PON2: variants seen among roughly 807,000 people sequenced by gnomAD.
PON2 encodes the protein serum paraoxonase/arylesterase 2.
Under a neutral mutation model 36.6 loss-of-function variants are expected in PON2, and 27 were observed. The ratio of observed to expected loss-of-function variants is 0.74; its 90% CI spans 0.54 to 1.02. PON2 has a LOEUF of 1.02. PON2 is among the 50% of genes least tolerant of loss of function. PON2 has a pLI of 0.00. For synonymous variants in PON2, 149 were observed against 156.3 expected (o/e 0.95, Z 0.35); for missense variants, 363 against 421.1 (o/e 0.86, Z 1.21).
rs755890060 is a variant in PON2 at position 95,427,556 on chromosome 7, G to A, written c.75-2971C>T. 4.6e-5 allele frequency among the ~76,000 whole-genome samples: 7 copies of A among 152,120 alleles called. 1 individual carries two copies. The South Asian group carries it at 1.0e-3, about 23-fold the overall frequency. On this transcript the variant is annotated intron_variant, in intron 1 of 8. Transcript: ENST00000222572. Reference sequence around the variant, plus strand: ...ACACACACGCAGTGTTTGAGACTGCGGCAGCCATTCTGCATCCTTGAGAAA... The same window carrying A: ...ACACACACGCAGTGTTTGAGACTGCAGCAGCCATTCTGCATCCTTGAGAAA...
intron 4 of PON2, 37 bp downstream of exon 4, chr7:95,412,275 A>G: frequency 5.0e-6 from 8 of 1,608,802 alleles, no homozygotes; most frequent in Non-Finnish European, 6.8e-6. Flanking sequence ...GTGAACCATC[A>G]CACGTTACTA....
intron 2 of PON2, among the ~76,000 whole-genome samples, chr7:95,421,594 A>T (rs1282127973): frequency 1.3e-5 from 2 of 152,192 alleles, no homozygotes; most frequent in Non-Finnish European, 2.9e-5. Context: ...GCACAGATGT[A>T]GTCAATCTGC....
Position 95,409,910 on chromosome 7 carries a change from G to C in PON2, c.686C>G (p.Pro229Arg). The change falls in exon 6 of 9, where the codon CCT becomes CGT. Residue 229 changes from proline to arginine, a missense_variant. Physicochemically the swap from Pro to Arg is moderately radical, Grantham distance 103. Transcript: ENST00000222572. Reference protein sequence around the residue: ...FDSANGINISPDDKYIYVADI... With the variant: ...FDSANGINISRDDKYIYVADI... Reference sequence around the variant, plus strand: ...CTATAAGGGGCCATACTTATCATCAGGTGAAATATTGATCCCATTTGCTGA... The same window carrying C: ...CTATAAGGGGCCATACTTATCATCACGTGAAATATTGATCCCATTTGCTGA... 6.2e-7 allele frequency: 1 copy of C among 1,612,890 alleles called. No homozygotes were observed.
chr7:95,410,176 A>C (rs1788887919), intron 5 of PON2, 75 bp from the exon 6 acceptor site: 1 of 1,235,754 alleles, frequency 8.1e-7, no homozygotes, highest in African/African-American at 1.5e-5. Context: ...AGTACTCATA[A>C]GATTTATGCA....
At chr7:95,417,727 C>CACACACACACT (rs1562788872) in intron 2 of PON2, among the ~76,000 whole-genome samples, 8 of 80,212 alleles carry the variant, frequency 1.0e-4, no homozygotes, top group African/African-American at 4.3e-4. Context: ...ACACACACAC[C>CACACACACACT]GAGAGAGAAT....
Position 95,406,986 on chromosome 7 carries a change from C to T in PON2, c.777+1G>A. ...TCTATATGTAAAAATAAATATTTTA[C>T]CTTCAACTGAGTTAAATTCATATTA... On this transcript the variant is annotated splice_donor_variant, in intron 7 of 8. Transcript: ENST00000222572. LOFTEE classifies it high-confidence loss of function. 5 of 1,506,028 alleles carry T rather than the reference C, an allele frequency of 3.3e-6. No homozygotes were observed. Among genetic ancestry groups the T allele is most frequent in the Non-Finnish European group, 4.6e-6 (5 of 1,085,318 alleles). The allele number at this position is 1,506,028 out of a possible 1,614,324, so 93.3% of individuals were successfully genotyped here.
intron 5 of PON2, among the ~76,000 whole-genome samples, chr7:95,411,261 C>T (rs751828849): frequency 3.9e-5 from 6 of 152,102 alleles, no homozygotes; most frequent in Admixed American, 6.5e-5. Flanking sequence ...CAATAAAAAA[C>T]AGGCCATTCT....
chr7:95,412,655 T>C (rs1788959754), intron 3 of PON2, 178 bp from the exon 4 acceptor site: 7 of 639,688 alleles, frequency 1.1e-5, no homozygotes, highest in Non-Finnish European at 1.9e-5. Flanking sequence ...GGTGGAATAC[T>C]GAAAGCCTGA....
At chr7:95,416,487 T>TA (rs1323224320) in intron 2 of PON2, 190 bp from the exon 3 acceptor site, 21 of 634,530 alleles carry the variant, frequency 3.3e-5, no homozygotes, top group Non-Finnish European at 5.2e-5. Context: ...CTTCTGACTT[T>TA]AAATGTTAGA....
At chr7:95,421,904 C>T (rs1404713617) in intron 2 of PON2, among the ~76,000 whole-genome samples, 2 of 152,192 alleles carry the variant, frequency 1.3e-5, no homozygotes, top group African/African-American at 4.8e-5. Flanking sequence ...TAAAAGAGTG[C>T]TGAGAACTCT....
At chr7:95,418,225 A>G (rs2076160169) in intron 2 of PON2, 1 of 152,210 alleles carries the variant, frequency 6.6e-6, no homozygotes, top group Non-Finnish European at 1.5e-5. Context: ...TAATTTAATA[A>G]TAATAACTAA....
intron 1 of PON2, 47 bp from the exon 2 acceptor site, chr7:95,424,632 G>A (rs1789273944): frequency 6.9e-7 from 1 of 1,451,302 alleles, no homozygotes; most frequent in Non-Finnish European, 9.6e-7. Context: ...ATTTGTTTAT[G>A]TATTCCCTGC....
At position 95,434,886 on chromosome 7, in the gene PON2, C is replaced by T. The variant is rs1789529064; in HGVS notation, c.66G>A (p.Leu22=). ...IALALLGERL[L]ALRNRLKASR... ...GCGGGAGTCCCACCTACCTGAGTGC[C>T]AGAAGCCTCTCGCCCAGGAGCGCCA... Residue 22 remains leucine (L), a synonymous_variant, in exon 1 of 9, where the codon CTG becomes CTA. Coordinates refer to ENST00000222572, the MANE Select transcript of PON2 (RefSeq NM_000305.3). 6.5e-7 allele frequency: 1 copy of T among 1,540,580 alleles called. No homozygotes were observed. The highest frequency in any genetic ancestry group is 8.7e-7 in the Non-Finnish European group (1 of 1,145,266).
chr7:95,419,405 AAAC>A (rs1789142846), intron 2 of PON2, among the ~76,000 whole-genome samples: 1 of 152,142 alleles, frequency 6.6e-6, no homozygotes, highest in Non-Finnish European at 1.5e-5. Context: ...ATGAGCAAAA[AAAC>A]ACATGAATGG....
In PON2 at chr7:95,416,572, G is replaced by A. The variant is rs1046189286; in HGVS notation, c.146-275C>T. 84 of 470,666 alleles carry A rather than the reference G, an allele frequency of 1.8e-4. 1 individual carries two copies. The East Asian group carries it at 3.5e-3, about 20-fold the overall frequency. The allele number at this position is 470,666 out of a possible 1,614,324, so 29.2% of individuals were successfully genotyped here. A position where few individuals can be genotyped will look rare whatever the true frequency, so the allele number is the denominator to read the frequency against. ...TATAATACTGAAAAAGTTGACATCTGTACACTCTCATGATAAACATCCAGA... is the reference window on the plus strand; with the variant it reads ...TATAATACTGAAAAAGTTGACATCTATACACTCTCATGATAAACATCCAGA... On this transcript the variant is annotated intron_variant, in intron 2 of 8. Transcript: ENST00000222572.
rs1329562018 is a variant in PON2, at chr7:95,411,748, G to T, written c.399C>A (p.His133Gln). 1.2e-6 allele frequency: 2 copies of T among 1,613,528 alleles called. No homozygotes were observed. Among genetic ancestry groups the T allele is most frequent in the Non-Finnish European group, 8.5e-7 (1 of 1,179,594 alleles). ...DDTVYLFVVN[H>Q]PEFKNTVEIF... ...TTTCCACTGTATTCTTGAATTCTGG[G>T]TGGTTTACAACAAAGAGATAAACTG... The change falls in exon 5 of 9, where the codon CAC (histidine) becomes CAA (glutamine). Residue 133 changes from histidine to glutamine, a missense_variant. By Grantham distance (24) the His-to-Gln change is conservative. Transcript: ENST00000222572.
At chr7:95,414,660 A>G (rs903524044) in intron 3 of PON2, among the ~76,000 whole-genome samples, 1 of 152,176 alleles carries the variant, frequency 6.6e-6, no homozygotes, top group African/African-American at 2.4e-5. Context: ...AAAAAAATCA[A>G]TGCAACTGCC....
chr7:95,406,338 G>A (rs2116448409), intron 7 of PON2, 91 bp from the exon 8 acceptor site: 1 of 1,362,062 alleles, frequency 7.3e-7, no homozygotes, highest in Non-Finnish European at 1.0e-6. Flanking sequence ...TGCATGTGAG[G>A]AAATTACACA....
At chr7:95,409,161 A>C (rs1291039786) in intron 6 of PON2, among the ~76,000 whole-genome samples, 1 of 152,058 alleles carries the variant, frequency 6.6e-6, no homozygotes, top group African/African-American at 2.4e-5. Flanking sequence ...AAAAATACAA[A>C]ATTAGCCAAG....
Sources: gnomAD v4.1 joint callset for allele counts (sites outside exome capture counted in the v4.1 genomes callset) on GRCh38, gnomAD v4.1.1 for gene constraint, MANE v1.5 for transcripts, NCBI Gene and HGNC (gene_info 2026-07-23, HGNC 2026-07-21) for gene names.